Variants in DMD observed in about 807,000 individuals in gnomAD.
The protein encoded by DMD is dystrophin.
DMD carries 63 observed loss-of-function variants against 330.1 expected under a neutral mutation model. The ratio of observed to expected loss-of-function variants is 0.19; its 90% CI spans 0.16 to 0.24. The LOEUF is 0.24. Among genes scored for constraint, DMD ranks in the 10% least tolerant of loss-of-function variants. The pLI, the probability that DMD is intolerant of heterozygous loss-of-function variation, is 1.00. For synonymous variants in DMD, 1,223 were observed against 959.8 expected, an observed-to-expected ratio of 1.27 and a Z score of -5.07; for missense variants, 3,344 against 2,684.1, an observed-to-expected ratio of 1.25 and a Z score of -5.43.
chrX:33,150,546 G>A (rs1313902918), intron 1 of DMD, among the ~76,000 whole-genome samples: 2 of 109,535 alleles, frequency 1.8e-5, no homozygotes, highest in East Asian at 2.9e-4. Context: ...CGCCCGCCTC[G>A]GCCTCCCAAA....
At chrX:32,623,996 T>G (rs1230958746) in intron 11 of DMD, among the ~76,000 whole-genome samples, 2 of 112,193 alleles carry the variant, frequency 1.8e-5, no homozygotes, top group Admixed American at 1.9e-4. Flanking sequence ...TATTTCAATT[T>G]CTTTGTTGAT....
intron 4 of DMD, among the ~76,000 whole-genome samples, chrX:32,832,212 C>G (rs1253947228): frequency 2.7e-5 from 3 of 111,108 alleles, no homozygotes; most frequent in Non-Finnish European, 5.7e-5. Flanking sequence ...GTGATTTTAA[C>G]TAGATATGAA....
chrX:32,793,784 C>G (rs899195019), intron 7 of DMD, among the ~76,000 whole-genome samples: 2 of 111,478 alleles, frequency 1.8e-5, no homozygotes, highest in Admixed American at 1.9e-4. Context: ...CCAACGAAGA[C>G]AGTCCAGGAC....
chrX:31,640,677 T>C (rs1246373585), intron 54 of DMD, among the ~76,000 whole-genome samples: 1 of 112,520 alleles, frequency 8.9e-6, no homozygotes, highest in East Asian at 2.8e-4. Flanking sequence ...TCCAATTATA[T>C]GCTAACCCGA....
At chrX:32,402,833 T>A (rs1350563537) in intron 30 of DMD, among the ~76,000 whole-genome samples, 1 of 111,694 alleles carries the variant, frequency 9.0e-6, no homozygotes, top group Non-Finnish European at 1.9e-5. Context: ...GGTTCTTCAC[T>A]ATTATGGTAA....
chrX:32,506,904 C>CA (rs1328954850), intron 18 of DMD, among the ~76,000 whole-genome samples: 2 of 111,642 alleles, frequency 1.8e-5, no homozygotes, highest in African/African-American at 3.3e-5. Flanking sequence ...AGAGTAGCTA[C>CA]AACATCTAGT....
At chrX:32,701,946 G>T (rs1569471950) in intron 7 of DMD, among the ~76,000 whole-genome samples, 1 of 111,382 alleles carries the variant, frequency 9.0e-6, no homozygotes, top group African/African-American at 3.3e-5. Flanking sequence ...TTGCCATTTT[G>T]CCCCAAACTA....
intron 41 of DMD, among the ~76,000 whole-genome samples, chrX:32,335,622 TTA>T (rs1371552475): frequency 9.4e-6 from 1 of 106,755 alleles, no homozygotes; most frequent in East Asian, 2.9e-4. Flanking sequence ...AACAAACATG[TTA>T]TATACATAAC....
chrX:32,505,345 T>C (rs1291851224), intron 18 of DMD, among the ~76,000 whole-genome samples: 1 of 112,038 alleles, frequency 8.9e-6, no homozygotes, highest in Non-Finnish European at 1.9e-5. Flanking sequence ...AACTAAAACA[T>C]GGGCAAAAAT....
chrX:33,146,901 C>A (rs1252490887), intron 1 of DMD, among the ~76,000 whole-genome samples: 3 of 110,750 alleles, frequency 2.7e-5, no homozygotes, highest in Non-Finnish European at 5.7e-5. Flanking sequence ...CTGCTCACTG[C>A]AACCTCCGCC....
chrX:32,988,052 T>G (rs2092890718), intron 2 of DMD, among the ~76,000 whole-genome samples: 1 of 110,685 alleles, frequency 9.0e-6, no homozygotes, highest in Non-Finnish European at 1.9e-5. Context: ...TTAATATCGG[T>G]TTTCTTTTTT....
At position 31,612,048 on chromosome X, in the gene DMD, G is replaced by A. The variant is rs374953686; in HGVS notation, c.8217+15625C>T. 6.5e-4 allele frequency among the ~76,000 whole-genome samples: 72 copies of A among 110,195 alleles called. 1 individual carries two copies. Among genetic ancestry groups the A allele is most frequent in the East Asian group, 2.8e-3 (10 of 3,527 alleles). Reference sequence around the variant, plus strand: ...ACATTAATATTATATTATTATTATCGTTGAACCATCACCACTATCCATCTC... The same window carrying A: ...ACATTAATATTATATTATTATTATCATTGAACCATCACCACTATCCATCTC... On this transcript the variant is annotated intron_variant, in intron 55 of 78. Coordinates refer to ENST00000357033, the MANE Select transcript of DMD (RefSeq NM_004006.3).
chrX:31,476,860 G>A (rs1469027835), intron 59 of DMD, among the ~76,000 whole-genome samples: 1 of 111,678 alleles, frequency 9.0e-6, no homozygotes, highest in Non-Finnish European at 1.9e-5. Flanking sequence ...TTGGTTAAAA[G>A]AGGAGAGAAA....
At chrX:31,142,678 T>C (rs1054528692) in intron 76 of DMD, among the ~76,000 whole-genome samples, 3 of 112,461 alleles carry the variant, frequency 2.7e-5, no homozygotes, top group Non-Finnish European at 5.6e-5. Context: ...AACAGTAATC[T>C]GGTGGAAAGT....
At chrX:32,304,582 T>C (rs183447695) in intron 42 of DMD, among the ~76,000 whole-genome samples, 25 of 111,428 alleles carry the variant, frequency 2.2e-4, no homozygotes, top group Non-Finnish European at 2.5e-4. Flanking sequence ...AATCTTTTCA[T>C]ATAATACAAA....
At chrX:31,643,025 T>A (rs2079864449) in intron 54 of DMD, among the ~76,000 whole-genome samples, 1 of 111,632 alleles carries the variant, frequency 9.0e-6, no homozygotes, top group African/African-American at 3.3e-5. Flanking sequence ...CTTTCGAGAG[T>A]TGACTGTAGC....
At chrX:31,784,506 A>G (rs778131331) in intron 50 of DMD, among the ~76,000 whole-genome samples, 1 of 112,211 alleles carries the variant, frequency 8.9e-6, no homozygotes, top group South Asian at 3.7e-4. Flanking sequence ...TAGAATTATC[A>G]TATAATCCAG....
At chrX:33,173,554 T>G (rs987703913) in intron 1 of DMD, among the ~76,000 whole-genome samples, 2 of 111,138 alleles carry the variant, frequency 1.8e-5, no homozygotes, top group African/African-American at 6.5e-5. Flanking sequence ...ATTCATTACT[T>G]TTGCTTCTTC....
At chrX:32,173,280 T>G (rs936339396) in intron 44 of DMD, among the ~76,000 whole-genome samples, 5 of 110,298 alleles carry the variant, frequency 4.5e-5, no homozygotes, top group African/African-American at 1.7e-4. Context: ...AAGAATCAAG[T>G]TTTACTGAAA....
Sources: allele counts gnomAD v4.1 joint callset (sites outside exome capture counted in the v4.1 genomes callset), GRCh38; gene constraint gnomAD v4.1.1; transcripts MANE v1.5; gene names NCBI Gene and HGNC (gene_info 2026-07-23, HGNC 2026-07-21).